The following SAMD15 variants were observed in gnomAD, a reference collection of about 807,000 sequenced individuals.
The protein encoded by SAMD15 is sterile alpha motif domain-containing protein 15.
In SAMD15, 37 loss-of-function variants were observed where a neutral mutation model predicts 50.5. The ratio of observed to expected loss-of-function variants is 0.73; its 90% confidence interval spans 0.56 to 0.96. SAMD15 has a LOEUF of 0.96. SAMD15 is among the 40% of genes least tolerant of loss of function. The pLI is 0.00. For missense variants in SAMD15, 789 were observed against 783.8 expected, an observed-to-expected ratio of 1.01 and a Z score of -0.08; for synonymous variants, 255 against 282.8, an observed-to-expected ratio of 0.90 and a Z score of 0.99.
rs757866263 is a variant in SAMD15, at chr14:77,391,227, C to T, written c.2008C>T (p.Pro670Ser). 3 of 1,607,196 alleles carry T rather than the reference C, an allele frequency of 1.9e-6. No homozygotes were observed. The highest frequency in any genetic ancestry group is 4.5e-5 in the East Asian group (2 of 44,852). ...TGCCCCTGAAGAGAATGAGGAATTACCTTGCACTGAACCATAGGGGAAATC... is the reference window on the plus strand; with the variant it reads ...TGCCCCTGAAGAGAATGAGGAATTATCTTGCACTGAACCATAGGGGAAATC... ...ITAPEENEEL[P>S]CTEP Residue 670 changes from proline (P) to serine (S), a missense_variant, in exon 3 of 3, where the codon CCT (proline) becomes TCT (serine). This residue lies in a region of SAMD15 where 19 missense variants were observed against 38.3 expected (regional missense o/e 0.50). Coordinates refer to ENST00000216471, the MANE Select transcript of SAMD15 (RefSeq NM_001010860.4).
rs1357705861 is a variant in SAMD15, at chr14:77,378,038, A to C, written c.620A>C (p.Glu207Ala). The change falls in exon 1 of 3, where the codon GAG becomes GCG. Residue 207 changes from glutamate (E) to alanine (A), a missense_variant. Glu to Ala is a moderately radical substitution (Grantham distance 107, BLOSUM62 -1). Around this residue, in one of 2 missense-constraint regions of SAMD15, gnomAD observed 770 missense variants for 745.4 expected, o/e 1.03. Coordinates refer to ENST00000216471, the MANE Select transcript of SAMD15 (RefSeq NM_001010860.4). The stretch of plus-strand genomic sequence containing the variant: ...GTGCAACATGAAGAGACAGGTCTAG[A>C]GCCTCCAGAGCAGACCAAACAAGAT... ...LRVQHEETGL[E>A]PPEQTKQDFP... 2 of 1,613,858 alleles carry C rather than the reference A, an allele frequency of 1.2e-6. No homozygotes were observed. The highest frequency in any genetic ancestry group is 2.7e-5 in the African/African-American group (2 of 74,928).
chr14:77,377,926 G>C lies in SAMD15; in HGVS notation c.508G>C (p.Glu170Gln). Residue 170 changes from glutamate to glutamine, a missense_variant, in exon 1 of 3, where the codon GAG becomes CAG. Glu to Gln is a conservative substitution (Grantham distance 29). Coordinates refer to ENST00000216471, the MANE Select transcript of SAMD15 (RefSeq NM_001010860.4). ...DPVPPTETMS[E>Q]VSGATVRERN... The stretch of plus-strand genomic sequence containing the variant: ...AGTGCCACCAACGGAAACCATGTCT[G>C]AGGTTTCGGGGGCCACAGTCAGAGA... 6.2e-7 allele frequency: 1 copy of C among 1,614,120 alleles called. No individual in the cohort carries two copies.
rs376913427 is a variant in SAMD15, at chr14:77,388,382, CGTGTGTGTGTGTGT to C, written c.1789-2593_1789-2580del. Among the ~76,000 whole-genome samples the C allele has an allele frequency of 4.0e-3, 526 of 133,158 alleles. 4 individuals carry two copies. The highest frequency in any genetic ancestry group is 0.029 in the East Asian group (129 of 4,408). 87.4% of individuals were successfully genotyped at this position (133,158 alleles called of 152,430 possible). ...CAAGAAGTCTTAGAAGCCACCTGTTCGTGTGTGTGTGTGTGTGTGTGTGTGTGTGTGTGTGTGTG... is the reference window on the plus strand; with the variant it reads ...CAAGAAGTCTTAGAAGCCACCTGTTCGTGTGTGTGTGTGTGTGTGTGTGTG... On this transcript the variant is annotated intron_variant, in intron 2 of 2. Coordinates refer to ENST00000216471, the MANE Select transcript of SAMD15 (RefSeq NM_001010860.4).
intron 2 of SAMD15, among the ~76,000 whole-genome samples, chr14:77,388,042 T>G (rs556227996): frequency 5.5e-4 from 84 of 152,264 alleles, no homozygotes; most frequent in African/African-American, 2.0e-3. Context: ...GACCTTCCTG[T>G]CTTGATAAAT....
chr14:77,378,430 G>A lies in SAMD15; in HGVS notation c.1012G>A (p.Glu338Lys), dbSNP rs768092705. 8.1e-6 allele frequency: 13 copies of A among 1,613,868 alleles called. No homozygotes were observed. The highest frequency in any genetic ancestry group is 1.0e-5 in the Non-Finnish European group (12 of 1,180,008). The change falls in exon 1 of 3, where the codon GAG (glutamate) becomes AAG (lysine). Residue 338 changes from glutamate to lysine, a missense_variant. By Grantham distance (56) the Glu-to-Lys change is moderately conservative. Around this residue, in one of 2 missense-constraint regions of SAMD15, gnomAD observed 770 missense variants for 745.4 expected, o/e 1.03. Coordinates refer to ENST00000216471, the MANE Select transcript of SAMD15 (RefSeq NM_001010860.4). ...PLEEIKLEFP[E>K]EESRKTNEET... Reference sequence around the variant, plus strand: ...AGAAGAGATCAAATTAGAGTTTCCTGAGGAAGAATCAAGAAAAACAAATGA... The same window carrying A: ...AGAAGAGATCAAATTAGAGTTTCCTAAGGAAGAATCAAGAAAAACAAATGA...
chr14:77,377,517 A>G lies in SAMD15; in HGVS notation c.99A>G (p.Glu33=). The G allele has an allele frequency of 6.2e-7, 1 of 1,614,142 alleles. No homozygotes were observed. The highest frequency in any genetic ancestry group is 8.5e-7 in the Non-Finnish European group (1 of 1,180,028). ...PELPGLHKLY[E]NAEPDTMAKA... is the part of the protein sequence containing the mutation. Reference sequence around the variant, plus strand: ...TGCCTGGACTTCATAAATTGTATGAAAATGCCGAACCAGACACCATGGCAA... The same window carrying G: ...TGCCTGGACTTCATAAATTGTATGAGAATGCCGAACCAGACACCATGGCAA... The change falls in exon 1 of 3, where the codon GAA becomes GAG. Residue 33 remains glutamate, a synonymous_variant. Transcript: ENST00000216471.
Position 77,377,595 on chromosome 14 carries a change from C to G in SAMD15, c.177C>G (p.Thr59=). The change falls in exon 1 of 3, where the codon ACC becomes ACG. Residue 59 remains threonine (T), a synonymous_variant. Transcript: ENST00000216471. ...AEIYQEPQPE[T]EEEDFKEGEP... is the part of the protein sequence containing the mutation. ...TTTACCAAGAGCCACAGCCAGAGAC[C>G]GAGGAAGAGGACTTCAAAGAGGGGG... 6.2e-7 allele frequency: 1 copy of G among 1,614,044 alleles called. No individual in the cohort carries two copies. Among genetic ancestry groups the G allele is most frequent in the East Asian group, 2.2e-5 (1 of 44,886 alleles).
At position 77,378,054 on chromosome 14, in the gene SAMD15, C is replaced by A; in HGVS notation, c.636C>A (p.Thr212=). The A allele has an allele frequency of 6.2e-7, 1 of 1,613,550 alleles. No homozygotes were observed. Among genetic ancestry groups the A allele is most frequent in the Non-Finnish European group, 8.5e-7 (1 of 1,179,908 alleles). Residue 212 remains threonine (T), a synonymous_variant, in exon 1 of 3, where the codon ACC becomes ACA. Coordinates refer to ENST00000216471, the MANE Select transcript of SAMD15 (RefSeq NM_001010860.4). Reference sequence around the variant, plus strand: ...CAGGTCTAGAGCCTCCAGAGCAGACCAAACAAGATTTTCCAAGTGAGAAAC... The same window carrying A: ...CAGGTCTAGAGCCTCCAGAGCAGACAAAACAAGATTTTCCAAGTGAGAAAC... The part of the protein sequence containing the change: ...EETGLEPPEQ[T]KQDFPSEKLG...
rs1421067568 is a variant in SAMD15 at position 77,377,528 on chromosome 14, C to T, written c.110C>T (p.Pro37Leu). Reference sequence around the variant, plus strand: ...CATAAATTGTATGAAAATGCCGAACCAGACACCATGGCAAAGGCAGACTCG... The same window carrying T: ...CATAAATTGTATGAAAATGCCGAACTAGACACCATGGCAAAGGCAGACTCG... ...GLHKLYENAE[P>L]DTMAKADSKL... Residue 37 changes from proline to leucine, a missense_variant, in exon 1 of 3, where the codon CCA becomes CTA. Physicochemically the swap from Pro to Leu is moderately conservative, Grantham distance 98. Around this residue, in one of 2 missense-constraint regions of SAMD15, gnomAD observed 770 missense variants for 745.4 expected, o/e 1.03. Coordinates refer to ENST00000216471, the MANE Select transcript of SAMD15 (RefSeq NM_001010860.4). 1.2e-6 allele frequency: 2 copies of T among 1,614,020 alleles called. No homozygotes were observed. The highest frequency in any genetic ancestry group is 1.7e-6 in the Non-Finnish European group (2 of 1,180,040).
At chr14:77,385,414 T>C (rs1376950488) in intron 2 of SAMD15, among the ~76,000 whole-genome samples, 1 of 151,558 alleles carries the variant, frequency 6.6e-6, no homozygotes, top group Admixed American at 6.6e-5. Context: ...GCCTCCCGAG[T>C]AGCTGGGATT....
intron 2 of SAMD15, among the ~76,000 whole-genome samples, chr14:77,389,575 A>G (rs1211012042): frequency 7.1e-6 from 1 of 140,016 alleles, no homozygotes; most frequent in Non-Finnish European, 1.5e-5. Context: ...ATCTCGGCTC[A>G]CTGCAGCCTC....
In SAMD15 at chr14:77,391,315, G is replaced by A; in HGVS notation, c.*71G>A. The A allele has an allele frequency of 9.8e-7, 1 of 1,024,256 alleles. No individual in the cohort carries two copies. The highest frequency in any genetic ancestry group is 1.6e-5 in the South Asian group (1 of 63,378). 63.4% of individuals were successfully genotyped at this position (1,024,256 alleles called of 1,614,324 possible). ...GAGGGAAGAGGTATGGTCTTTTTTG[G>A]TTTTCTTTTTCTCCTTTTTTTTTTT... On this transcript the variant is annotated 3_prime_UTR_variant, in exon 3 of 3. Coordinates refer to ENST00000216471, the MANE Select transcript of SAMD15 (RefSeq NM_001010860.4).
chr14:77,388,382 C>CGTGTGTGTGTGTGTGTGTGTGT (rs376913427), intron 2 of SAMD15, among the ~76,000 whole-genome samples: 2 of 133,068 alleles, frequency 1.5e-5, no homozygotes, highest in Non-Finnish European at 1.6e-5. Context: ...GCCACCTGTT[C>CGTGTGTGTGTGTGTGTGTGTGT]GTGTGTGTGT....
In SAMD15 at chr14:77,379,117, A is replaced by T. The variant is rs371305749; in HGVS notation, c.1689+10A>T. 4.3e-4 allele frequency: 693 copies of T among 1,604,886 alleles called. No individual in the cohort carries two copies. Among genetic ancestry groups the T allele is most frequent in the Non-Finnish European group, 5.5e-4 (642 of 1,175,886 alleles). On this transcript the variant is annotated intron_variant, in intron 1 of 2. Coordinates refer to ENST00000216471, the MANE Select transcript of SAMD15 (RefSeq NM_001010860.4). Reference sequence around the variant, plus strand: ...CTTCCCTCAATACAAGGTATACAAAAATAAGATGTTTTGAAATCACATGCT... The same window carrying T: ...CTTCCCTCAATACAAGGTATACAAATATAAGATGTTTTGAAATCACATGCT...
intron 2 of SAMD15, among the ~76,000 whole-genome samples, chr14:77,388,924 A>C: frequency 6.6e-6 from 1 of 152,080 alleles, no homozygotes; most frequent in East Asian, 1.9e-4. Flanking sequence ...CAGTTCTTAG[A>C]AGCCCCAACT....
At position 77,379,012 on chromosome 14, in the gene SAMD15, C is replaced by T; in HGVS notation, c.1594C>T (p.Pro532Ser). The change falls in exon 1 of 3, where the codon CCA becomes TCA. Residue 532 changes from proline (P) to serine (S), a missense_variant. Physicochemically the swap from Pro to Ser is moderately conservative, Grantham distance 74. Coordinates refer to ENST00000216471, the MANE Select transcript of SAMD15 (RefSeq NM_001010860.4). ...GGTCTCTGAAGATGACGAAACCCAG[C>T]CAGAAAAAGGGACTGAGTTACAATT... is the stretch of plus-strand genomic sequence containing the variant. ...ERVSEDDETQPEKGTELQFEH... is the reference protein window; with the variant it reads ...ERVSEDDETQSEKGTELQFEH... 1 of 1,614,022 alleles carries T rather than the reference C, an allele frequency of 6.2e-7. No homozygotes were observed. Among genetic ancestry groups the T allele is most frequent in the Non-Finnish European group, 8.5e-7 (1 of 1,179,952 alleles).
Position 77,391,168 on chromosome 14 carries a change from C to T in SAMD15, c.1949C>T (p.Ala650Val). Residue 650 changes from alanine (A) to valine (V), a missense_variant, in exon 3 of 3, where the codon GCA becomes GTA. Transcript: ENST00000216471. ...DSLTLSEFVK[A>V]AGLQDYAPEI... is the part of the protein sequence containing the mutation. Reference sequence around the variant, plus strand: ...TTGACTTTATCTGAATTTGTCAAAGCAGCAGGATTACAGGATTATGCTCCA... The same window carrying T: ...TTGACTTTATCTGAATTTGTCAAAGTAGCAGGATTACAGGATTATGCTCCA... 6.2e-7 allele frequency: 1 copy of T among 1,613,940 alleles called. No individual in the cohort carries two copies. Among genetic ancestry groups the T allele is most frequent in the Non-Finnish European group, 8.5e-7 (1 of 1,179,896 alleles).
intron 2 of SAMD15, among the ~76,000 whole-genome samples, chr14:77,388,291 A>C (rs1765808310): frequency 6.6e-6 from 1 of 152,168 alleles, no homozygotes; most frequent in South Asian, 2.1e-4. Context: ...CAGCACATAT[A>C]CTAAAAGAGA....
chr14:77,383,791 C>T (rs189490280), intron 2 of SAMD15, among the ~76,000 whole-genome samples: 5 of 152,106 alleles, frequency 3.3e-5, no homozygotes, highest in Admixed American at 3.3e-4. Flanking sequence ...CATGGTGAAA[C>T]TTCTTCTCTA....
Sources: gnomAD v4.1 joint callset for allele counts (sites outside exome capture counted in the v4.1 genomes callset) on GRCh38, gnomAD v4.1.1 for gene constraint, gnomAD v4.1.1 regional missense constraint, MANE v1.5 for transcripts, NCBI Gene and HGNC (gene_info 2026-07-23, HGNC 2026-07-21) for gene names.